The following GRIA4 variants were observed in gnomAD, a reference collection of about 807,000 sequenced individuals.
The protein encoded by GRIA4 is glutamate ionotropic receptor AMPA type subunit 4, also known as glutamate receptor 4.
A neutral mutation model predicts 104.0 loss-of-function variants in GRIA4; 34 were observed. The observed-to-expected ratio is 0.33, with a 90% CI of 0.25 to 0.44. The LOEUF (loss-of-function observed/expected upper bound fraction) is 0.44, where lower values mean the gene tolerates loss of function less well. Ranked by LOEUF, GRIA4 falls within the 20% of genes least tolerant of loss-of-function variation. The pLI is 1.00. For synonymous variants in GRIA4, 386 were observed against 381.9 expected (o/e 1.01, Z -0.13); for missense variants, 750 against 1,096.5 (o/e 0.68, Z 4.46).
At chr11:105,738,933 A>AAC (rs1939131944) in intron 3 of GRIA4, among the ~76,000 whole-genome samples, 1 of 116,494 alleles carries the variant, frequency 8.6e-6, no homozygotes, top group African/African-American at 2.7e-5. Flanking sequence ...AAAAAAACAA[A>AAC]AAAAAAAAAA....
At chr11:105,962,797 TTCC>T (rs1948774561) in intron 14 of GRIA4, among the ~76,000 whole-genome samples, 1 of 152,180 alleles carries the variant, frequency 6.6e-6, no homozygotes, top group South Asian at 2.1e-4. Flanking sequence ...TTATTGCTTT[TTCC>T]TCCTCTTCTA....
chr11:105,857,495 A>G (rs1216305087), intron 4 of GRIA4, among the ~76,000 whole-genome samples: 1 of 152,112 alleles, frequency 6.6e-6, no homozygotes, highest in Admixed American at 6.6e-5. Flanking sequence ...CATGGGACAG[A>G]CCTAGTCTTC....
chr11:105,618,603 G>C (rs938040759), intron 3 of GRIA4, among the ~76,000 whole-genome samples: 1 of 151,986 alleles, frequency 6.6e-6, no homozygotes, highest in African/African-American at 2.4e-5. Flanking sequence ...AGATCTGAGT[G>C]GGGAGGGTGA....
intron 14 of GRIA4, among the ~76,000 whole-genome samples, chr11:105,964,805 G>GTTTTTTTTTTTT (rs1565369695): frequency 7.1e-5 from 10 of 141,382 alleles, no homozygotes; most frequent in East Asian, 2.0e-4. Flanking sequence ...TTTTTTTTTT[G>GTTTTTTTTTTTT]TTTGTTTGTT....
intron 3 of GRIA4, among the ~76,000 whole-genome samples, chr11:105,650,940 C>A (rs1298787739): frequency 6.6e-6 from 1 of 152,100 alleles, no homozygotes; most frequent in Non-Finnish European, 1.5e-5. Context: ...ACAGGGTAGA[C>A]CTCAATATGT....
chr11:105,869,938 A>G (rs956163876), intron 5 of GRIA4, among the ~76,000 whole-genome samples: 2 of 152,088 alleles, frequency 1.3e-5, no homozygotes, highest in African/African-American at 4.8e-5. Context: ...TTTTTACCAA[A>G]ATAATAATGA....
At chr11:105,653,486 G>GC (rs1267862614) in intron 3 of GRIA4, among the ~76,000 whole-genome samples, 2 of 152,160 alleles carry the variant, frequency 1.3e-5, no homozygotes, top group East Asian at 3.9e-4. Context: ...GCAGGAGAGT[G>GC]CAAGACTTCA....
At chr11:105,780,734 A>T (rs1278551222) in intron 4 of GRIA4, among the ~76,000 whole-genome samples, 1 of 152,184 alleles carries the variant, frequency 6.6e-6, no homozygotes, top group Non-Finnish European at 1.5e-5. Flanking sequence ...ACAAGATGAA[A>T]TGAAAGAAAA....
At chr11:105,694,028 C>T (rs1953181249) in intron 3 of GRIA4, among the ~76,000 whole-genome samples, 1 of 152,126 alleles carries the variant, frequency 6.6e-6, no homozygotes, top group African/African-American at 2.4e-5. Context: ...TGGGGAATTA[C>T]TTATTTTGCA....
intron 3 of GRIA4, among the ~76,000 whole-genome samples, chr11:105,627,289 A>AG (rs1469711853): frequency 6.6e-6 from 1 of 151,838 alleles, no homozygotes; most frequent in African/African-American, 2.4e-5. Flanking sequence ...GAGTAGGGGT[A>AG]GGGGGGATGG....
intron 14 of GRIA4, among the ~76,000 whole-genome samples, chr11:105,941,156 T>G (rs879614227): frequency 1.3e-5 from 2 of 152,204 alleles, no homozygotes; most frequent in Non-Finnish European, 2.9e-5. Flanking sequence ...ATGAGAAGAT[T>G]TTGTAAATAA....
chr11:105,691,921 G>T (rs1361508119), intron 3 of GRIA4, among the ~76,000 whole-genome samples: 2 of 76,178 alleles, frequency 2.6e-5, no homozygotes, highest in Admixed American at 1.5e-4. Flanking sequence ...GGCTACAAGA[G>T]CAAAACTCCG....
intron 3 of GRIA4, among the ~76,000 whole-genome samples, chr11:105,751,510 C>T (rs965369653): frequency 1.3e-5 from 2 of 152,208 alleles, no homozygotes; most frequent in African/African-American, 4.8e-5. Flanking sequence ...CAGAGCAAGA[C>T]TTCCATGTTG....
chr11:105,615,675 T>C (rs1237555249), intron 3 of GRIA4, among the ~76,000 whole-genome samples: 2 of 151,810 alleles, frequency 1.3e-5, no homozygotes, highest in East Asian at 3.8e-4. Flanking sequence ...TATTGTTGTA[T>C]CACAGGTAGA....
chr11:105,694,648 C>G (rs1953205900), intron 3 of GRIA4, among the ~76,000 whole-genome samples: 1 of 151,996 alleles, frequency 6.6e-6, no homozygotes, highest in African/African-American at 2.4e-5. Flanking sequence ...GGAAATATTT[C>G]ATCTATATTT....
Position 105,792,387 on chromosome 11 carries a change from A to G in GRIA4, c.487+39167A>G, listed in dbSNP as rs564573299. 6.6e-5 allele frequency among the ~76,000 whole-genome samples: 10 copies of G among 152,286 alleles called. No homozygotes were observed. In the South Asian group the frequency reaches 2.1e-3, roughly 32 times the overall value. ...CATTGTATAAGAGAGTTCCAGTGAG[A>G]GAGGTACTTTTGACAGTAACAGTGA... On this transcript the variant is annotated intron_variant, in intron 4 of 16. Coordinates refer to ENST00000282499, the MANE Select transcript of GRIA4 (RefSeq NM_000829.4).
chr11:105,616,454 T>C (rs535933580), intron 3 of GRIA4, among the ~76,000 whole-genome samples: 1 of 151,902 alleles, frequency 6.6e-6, no homozygotes, highest in Admixed American at 6.6e-5. Context: ...TTTAAATACA[T>C]TGAAAATATG....
chr11:105,611,251 G>A (rs1228440718), intron 2 of GRIA4, among the ~76,000 whole-genome samples, 166 bp downstream of exon 2: 1 of 151,842 alleles, frequency 6.6e-6, no homozygotes, highest in Non-Finnish European at 1.5e-5. Context: ...TTCCTCTTTA[G>A]TGCAGGTTCC....
intron 3 of GRIA4, among the ~76,000 whole-genome samples, chr11:105,667,835 T>A (rs568615663): frequency 5.3e-5 from 8 of 152,144 alleles, no homozygotes; most frequent in African/African-American, 1.9e-4. Context: ...TCTTTTTAAT[T>A]TTGTGGTGAG....
Sources: allele counts gnomAD v4.1 joint callset (sites outside exome capture counted in the v4.1 genomes callset), GRCh38; gene constraint gnomAD v4.1.1; transcripts MANE v1.5; gene names NCBI Gene and HGNC (gene_info 2026-07-23, HGNC 2026-07-21).